The following PI4KA variants were observed in gnomAD, a reference collection of about 807,000 sequenced individuals.
PI4KA encodes the protein phosphatidylinositol 4-kinase alpha.
In PI4KA, 122 loss-of-function variants were observed where a neutral mutation model predicts 271.4. The ratio of observed to expected loss-of-function variants is 0.45; its 90% CI spans 0.39 to 0.52. The LOEUF (loss-of-function observed/expected upper bound fraction) is 0.52, where lower values mean the gene tolerates loss of function less well. Ranked by LOEUF, PI4KA falls within the 20% of genes least tolerant of loss-of-function variation. The pLI is 0.00. For missense variants in PI4KA, 1,969 were observed against 2,769.1 expected, an observed-to-expected ratio of 0.71 and a Z score of 6.48; for synonymous variants, 1,041 against 1,078.8, an observed-to-expected ratio of 0.96 and a Z score of 0.69.
intron 4 of PI4KA, among the ~76,000 whole-genome samples, chr22:20,824,006 T>A (rs917547897): frequency 2.0e-5 from 3 of 151,908 alleles, no homozygotes; most frequent in Non-Finnish European, 4.4e-5. Context: ...AAAAATGAGC[T>A]GCCTCTGCCT....
chr22:20,839,206 G>A (rs1489664329), intron 1 of PI4KA, among the ~76,000 whole-genome samples: 1 of 134,848 alleles, frequency 7.4e-6, no homozygotes, highest in East Asian at 2.4e-4. Context: ...GACACAACAA[G>A]ACTCTGTCTC....
chr22:20,721,244 T>C, intron 43 of PI4KA, 54 bp downstream of exon 43: 2 of 1,602,456 alleles, frequency 1.2e-6, no homozygotes, highest in African/African-American at 1.3e-5. Context: ...TAGAAGGTGC[T>C]TGGCAGTGCA....
chr22:20,842,249 A>G (rs1925650431), intron 1 of PI4KA, among the ~76,000 whole-genome samples: 1 of 151,978 alleles, frequency 6.6e-6, no homozygotes, highest in South Asian at 2.1e-4. Flanking sequence ...ATTAAAAAAA[A>G]ATGAAAAAGG....
At chr22:20,854,926 C>G (rs1029287486) in intron 1 of PI4KA, among the ~76,000 whole-genome samples, 1 of 151,992 alleles carries the variant, frequency 6.6e-6, no homozygotes, top group Non-Finnish European at 1.5e-5. Flanking sequence ...CCGAGGTGGG[C>G]GGATCACCTG....
At chr22:20,779,512 A>G (rs1459584494) in intron 19 of PI4KA, 1 of 1,613,898 alleles carries the variant, frequency 6.2e-7, no homozygotes, top group African/African-American at 1.3e-5. Flanking sequence ...ACCGTCACCA[A>G]CGACTGGATT....
intron 32 of PI4KA, among the ~76,000 whole-genome samples, chr22:20,737,818 A>T (rs576492342): frequency 6.6e-6 from 1 of 152,118 alleles, no homozygotes; most frequent in East Asian, 1.9e-4. Context: ...TTTAGTAGAG[A>T]CAGGGTTTCT....
At chr22:20,714,605 G>A (rs377276811) in intron 46 of PI4KA, 23 bp downstream of exon 46, 7 of 1,613,926 alleles carry the variant, frequency 4.3e-6, no homozygotes, top group Non-Finnish European at 5.1e-6. Flanking sequence ...GGAAGTGGGG[G>A]ATGGGTAGGG....
At chr22:20,752,276 T>C (rs1601407715) in intron 25 of PI4KA, among the ~76,000 whole-genome samples, 1 of 152,170 alleles carries the variant, frequency 6.6e-6, no homozygotes, top group Admixed American at 6.5e-5. Context: ...TCGTGACCCC[T>C]GGCTGGCTCC....
intron 30 of PI4KA, 200 bp from the exon 31 acceptor site, chr22:20,742,964 C>T: frequency 1.7e-6 from 1 of 573,432 alleles, no homozygotes; most frequent in Non-Finnish European, 3.1e-6. Flanking sequence ...AAGAACAGCT[C>T]CTCTAGAAAT....
intron 1 of PI4KA, among the ~76,000 whole-genome samples, chr22:20,857,953 T>C (rs111808765): frequency 1.1e-3 from 171 of 152,278 alleles, no homozygotes; most frequent in African/African-American, 4.0e-3. Flanking sequence ...CAGTTCACTC[T>C]CCTTTCCCTG....
At chr22:20,732,209 A>G (rs1157415694) in intron 36 of PI4KA, among the ~76,000 whole-genome samples, 2 of 151,778 alleles carry the variant, frequency 1.3e-5, no homozygotes, top group Non-Finnish European at 2.9e-5. Context: ...AAAAATAAAA[A>G]TAAATAAATA....
Position 20,799,066 on chromosome 22 carries a change from T to C in PI4KA, c.2004+27A>G, listed in dbSNP as rs138747242. 67 of 1,596,194 alleles carry C rather than the reference T, an allele frequency of 4.2e-5. No individual in the cohort carries two copies. The African/African-American group carries it at 7.1e-4, about 17-fold the overall frequency. On this transcript the variant is annotated intron_variant, in intron 16 of 54. Transcript: ENST00000255882. ...TTTAACGTAGCTTGCACAGGGTTAG[T>C]GGTGTTCTGGCTCTGGCCTCCCTTA...
rs779190992 is a variant in PI4KA at position 20,805,061 on chromosome 22, G to T, written c.1273C>A (p.His425Asn). 1 of 1,614,096 alleles carries T rather than the reference G, an allele frequency of 6.2e-7. No individual in the cohort carries two copies. Among genetic ancestry groups the T allele is most frequent in the South Asian group, 1.1e-5 (1 of 91,080 alleles). The change falls in exon 11 of 55, where the codon CAC becomes AAC. Residue 425 changes from histidine (H) to asparagine (N), a missense_variant. Coordinates refer to ENST00000255882, the MANE Select transcript of PI4KA (RefSeq NM_058004.4). ...QKILHDADRI[H>N]NELSPLKLRC... ...AGTTTGAGGGGGCTCAGCTCATTGT[G>T]GATCCGGTCTGCGTCATGTAGAATC...
At chr22:20,717,255 T>C (rs990513191) in intron 45 of PI4KA, among the ~76,000 whole-genome samples, 11 of 152,196 alleles carry the variant, frequency 7.2e-5, no homozygotes, top group African/African-American at 2.7e-4. Context: ...AAAGCTCAGC[T>C]TGAATTCCCA....
At chr22:20,775,312 A>G (rs1391452059) in intron 19 of PI4KA, among the ~76,000 whole-genome samples, 1 of 152,242 alleles carries the variant, frequency 6.6e-6, no homozygotes, top group Non-Finnish European at 1.5e-5. Flanking sequence ...GTCTTCTACA[A>G]TGTTTGTTAT....
At chr22:20,778,142 C>T (rs957457669) in intron 19 of PI4KA, among the ~76,000 whole-genome samples, 2 of 152,168 alleles carry the variant, frequency 1.3e-5, no homozygotes, top group African/African-American at 2.4e-5. Context: ...GGGGCTGCCA[C>T]CACATCACCT....
intron 19 of PI4KA, chr22:20,780,290 G>A (rs778166155): frequency 2.7e-5 from 43 of 1,583,312 alleles, no homozygotes; most frequent in Non-Finnish European, 3.6e-5. Flanking sequence ...CTGTACTGTA[G>A]CTATAATTTA....
At chr22:20,761,224 G>C in intron 23 of PI4KA, 80 bp downstream of exon 23, 1 of 805,722 alleles carries the variant, frequency 1.2e-6, no homozygotes, top group South Asian at 1.4e-5. Flanking sequence ...TCTACATGTA[G>C]ACAGAAAAGA....
At chr22:20,829,323 C>T (rs1923850037) in intron 3 of PI4KA, among the ~76,000 whole-genome samples, 1 of 152,102 alleles carries the variant, frequency 6.6e-6, no homozygotes, top group Non-Finnish European at 1.5e-5. Context: ...ACTACTGACT[C>T]AATTTCGGAA....
Sources: allele counts gnomAD v4.1 joint callset (sites outside exome capture counted in the v4.1 genomes callset), GRCh38; gene constraint gnomAD v4.1.1; transcripts MANE v1.5; gene names NCBI Gene and HGNC (gene_info 2026-07-23, HGNC 2026-07-21).